The following KIAA0825 variants were observed in gnomAD, a reference collection of about 807,000 sequenced individuals.
KIAA0825 encodes KIAA0825, also known as uncharacterized protein KIAA0825.
In KIAA0825, 119 loss-of-function variants were observed where a neutral mutation model predicts 147.6. The ratio of observed to expected loss-of-function variants is 0.81; its 90% CI spans 0.69 to 0.94. The LOEUF is 0.94. Among genes scored for constraint, KIAA0825 ranks in the 40% least tolerant of loss-of-function variants. The pLI is 0.00. For missense variants in KIAA0825, 1,381 were observed against 1,472.7 expected (o/e 0.94, Z 1.02); for synonymous variants, 470 against 518.1 (o/e 0.91, Z 1.26).
At chr5:94,450,470 A>AAAT (rs1187635374) in intron 13 of KIAA0825, among the ~76,000 whole-genome samples, 20 of 151,146 alleles carry the variant, frequency 1.3e-4, no homozygotes, top group Admixed American at 5.3e-4. Flanking sequence ...AAAGAAGAAA[A>AAAT]AATTATTTCT....
At chr5:94,401,802 C>G (rs1165480209) in intron 16 of KIAA0825, among the ~76,000 whole-genome samples, 1 of 152,156 alleles carries the variant, frequency 6.6e-6, no homozygotes, top group African/African-American at 2.4e-5. Context: ...TATCTCTGCT[C>G]TGAAACACAG....
chr5:94,220,471 T>C (rs1387801287), intron 20 of KIAA0825, among the ~76,000 whole-genome samples: 1 of 152,218 alleles, frequency 6.6e-6, no homozygotes, highest in Non-Finnish European at 1.5e-5. Context: ...TTATTTACTA[T>C]ACATAATTTT....
chr5:94,335,211 C>T (rs1054558029), intron 20 of KIAA0825, among the ~76,000 whole-genome samples: 9 of 152,046 alleles, frequency 5.9e-5, no homozygotes, highest in African/African-American at 2.2e-4. Flanking sequence ...TTTACTGTCC[C>T]CCAAAGTTCA....
At chr5:94,474,822 T>C (rs1761660916) in intron 7 of KIAA0825, among the ~76,000 whole-genome samples, 1 of 152,162 alleles carries the variant, frequency 6.6e-6, no homozygotes, top group African/African-American at 2.4e-5. Flanking sequence ...TCATCAAAAA[T>C]CATGCCAGTA....
intron 20 of KIAA0825, among the ~76,000 whole-genome samples, chr5:94,176,654 GCCATAGA>G (rs1281032513): frequency 1.3e-5 from 2 of 151,992 alleles, no homozygotes; most frequent in Non-Finnish European, 2.9e-5. Context: ...AAAAAAATCT[GCCATAGA>G]CCAATGCTTC....
rs868792186 is a variant in KIAA0825 at position 94,340,541 on chromosome 5, T to C, written c.3710+43827A>G. Among the ~76,000 whole-genome samples, 14 of 152,342 alleles carry C rather than the reference T, an allele frequency of 9.2e-5. No individual in the cohort carries two copies. The Middle Eastern group carries it at 0.024, about 259-fold the overall frequency. On this transcript the variant is annotated intron_variant, in intron 20 of 20. Transcript: ENST00000682413. ...TATATTTTTCACAATTCAGTGCATC[T>C]AAGTATACTTACATCATTTTAAGTT... is the stretch of plus-strand genomic sequence containing the variant.
chr5:94,200,557 G>A (rs1771571377), intron 20 of KIAA0825, among the ~76,000 whole-genome samples: 1 of 145,074 alleles, frequency 6.9e-6, no homozygotes, highest in Non-Finnish European at 1.5e-5. Flanking sequence ...TATGCTTATA[G>A]AACTAGGCAA....
At position 94,542,392 on chromosome 5, in the gene KIAA0825, A is replaced by C. The variant is rs114822843; in HGVS notation, c.-1-5265T>G. On this transcript the variant is annotated intron_variant, in intron 2 of 20. Transcript: ENST00000682413. ...AGCTTTAAACAATTGAGTAAAGTAT[A>C]CTCCTGTGACCAAAATTTGGGGCAT... Among the ~76,000 whole-genome samples the C allele has an allele frequency of 5.4e-3, 828 of 152,238 alleles. 10 individuals are homozygous for C. Among genetic ancestry groups the C allele is most frequent in the African/African-American group, 0.018 (759 of 41,538 alleles).
chr5:94,224,980 G>A (rs1002816305), intron 20 of KIAA0825, among the ~76,000 whole-genome samples: 2 of 152,130 alleles, frequency 1.3e-5, no homozygotes, highest in South Asian at 4.1e-4. Context: ...TCTCCACTTT[G>A]TTCTATTCTG....
At chr5:94,584,697 T>C (rs949415276) in intron 1 of KIAA0825, among the ~76,000 whole-genome samples, 7 of 151,924 alleles carry the variant, frequency 4.6e-5, no homozygotes, top group African/African-American at 1.2e-4. Context: ...GAACACCACA[T>C]AGATACTCCT....
chr5:94,269,323 A>G (rs1470466710), intron 20 of KIAA0825, among the ~76,000 whole-genome samples: 1 of 152,172 alleles, frequency 6.6e-6, no homozygotes, highest in Admixed American at 6.5e-5. Context: ...TTAGAAAATG[A>G]ACTTCACTCA....
At chr5:94,606,052 C>CT (rs1406687663) in intron 1 of KIAA0825, among the ~76,000 whole-genome samples, 2 of 152,220 alleles carry the variant, frequency 1.3e-5, no homozygotes. Flanking sequence ...TGATAAACAA[C>CT]TTCAGCAAAG....
intron 20 of KIAA0825, among the ~76,000 whole-genome samples, chr5:94,349,532 C>G (rs1783397138): frequency 6.6e-6 from 1 of 152,048 alleles, no homozygotes; most frequent in African/African-American, 2.4e-5. Flanking sequence ...ATATGATAAG[C>G]CATAAAACGA....
In KIAA0825 at chr5:94,174,598, C is replaced by A. The variant is rs897594926; in HGVS notation, c.3711-20474G>T. Among the ~76,000 whole-genome samples, 6 of 152,164 alleles carry A rather than the reference C, an allele frequency of 3.9e-5. No homozygotes were observed. The East Asian group carries it at 7.7e-4, about 20-fold the overall frequency. ...TGTTTGAGTACTAGCTAAAAATGTACGTGATACTATTTCAGATGTAAGTAT... is the reference window on the plus strand; with the variant it reads ...TGTTTGAGTACTAGCTAAAAATGTAAGTGATACTATTTCAGATGTAAGTAT... On this transcript the variant is annotated intron_variant, in intron 20 of 20. Coordinates refer to ENST00000682413, the MANE Select transcript of KIAA0825 (RefSeq NM_001145678.3).
chr5:94,336,182 C>T (rs866537586), intron 20 of KIAA0825, among the ~76,000 whole-genome samples: 5 of 151,738 alleles, frequency 3.3e-5, no homozygotes, highest in Middle Eastern at 3.4e-3. Context: ...CCAGCCTAGC[C>T]GACATGGTGA....
intron 1 of KIAA0825, among the ~76,000 whole-genome samples, chr5:94,606,218 A>G (rs984707782): frequency 6.6e-6 from 1 of 152,224 alleles, no homozygotes; most frequent in African/African-American, 2.4e-5. Flanking sequence ...AGATCTCTAC[A>G]ATGAGAATTA....
At chr5:94,221,816 CA>C (rs753471449) in intron 20 of KIAA0825, among the ~76,000 whole-genome samples, 1 of 152,118 alleles carries the variant, frequency 6.6e-6, no homozygotes, top group Non-Finnish European at 1.5e-5. Flanking sequence ...TCTCCTTCCC[CA>C]AAGAACCTTG....
intron 13 of KIAA0825, among the ~76,000 whole-genome samples, chr5:94,445,246 C>T (rs902092402): frequency 2.0e-5 from 3 of 152,308 alleles, no homozygotes; most frequent in African/African-American, 7.2e-5. Context: ...CTTTATCATA[C>T]TTGAAGTAAG....
At chr5:94,462,965 A>G (rs952663) in intron 11 of KIAA0825, among the ~76,000 whole-genome samples, 76,498 of 151,576 alleles carry the variant, frequency 0.5, 19,461 homozygotes, top group South Asian at 0.58. Flanking sequence ...AAAATTTCAT[A>G]GCACAACAAT....
Sources: allele counts gnomAD v4.1 joint callset (sites outside exome capture counted in the v4.1 genomes callset), GRCh38; gene constraint gnomAD v4.1.1; transcripts MANE v1.5; gene names NCBI Gene and HGNC (gene_info 2026-07-23, HGNC 2026-07-21).